CDH13: variants seen among roughly 807,000 people sequenced by gnomAD.
The protein encoded by CDH13 is cadherin 13, also known as cadherin-13.
In CDH13, 24 loss-of-function variants were observed where a neutral mutation model predicts 63.8. That is an observed-to-expected ratio of 0.38 (90% CI 0.27 to 0.53). The LOEUF (loss-of-function observed/expected upper bound fraction) is 0.53. CDH13 is among the 20% of genes least tolerant of loss of function. The pLI is 0.85. For missense variants in CDH13, 1,049 were observed against 903.1 expected (o/e 1.16, Z -2.07); for synonymous variants, 503 against 355.3 (o/e 1.42, Z -4.67).
chr16:83,265,625 T>C (rs1415497418), intron 5 of CDH13, among the ~76,000 whole-genome samples: 9 of 152,022 alleles, frequency 5.9e-5, no homozygotes, highest in Non-Finnish European at 1.3e-4. Flanking sequence ...TAGTAATCTT[T>C]GTTTTGTGAA....
Position 82,639,167 on chromosome 16 carries a change from T to C in CDH13, c.45+12030T>C, listed in dbSNP as rs563799312. ...CCCTCATTATATAAAAATTCTTTCC[T>C]TTGTCTATTTTGTTCTCTACCTCCC... is the stretch of plus-strand genomic sequence containing the variant. On this transcript the variant is annotated intron_variant, in intron 1 of 13. Transcript: ENST00000567109. 1.1e-4 allele frequency among the ~76,000 whole-genome samples: 16 copies of C among 152,286 alleles called. No individual in the cohort carries two copies. In the South Asian group the frequency reaches 3.3e-3, roughly 32 times the overall value.
At chr16:83,409,433 C>T (rs371217534) in intron 6 of CDH13, among the ~76,000 whole-genome samples, 2 of 152,070 alleles carry the variant, frequency 1.3e-5, no homozygotes, top group Non-Finnish European at 1.5e-5. Context: ...GAGTAAGACC[C>T]GGGGCTATGA....
At chr16:83,385,083 C>T (rs951341929) in intron 6 of CDH13, among the ~76,000 whole-genome samples, 8 of 152,142 alleles carry the variant, frequency 5.3e-5, no homozygotes, top group African/African-American at 1.9e-4. Context: ...TGTAATGGGT[C>T]ATGAAATTGC....
intron 1 of CDH13, among the ~76,000 whole-genome samples, chr16:82,656,193 T>C (rs189616984): frequency 1.3e-3 from 199 of 151,018 alleles, no homozygotes; most frequent in Non-Finnish European, 2.1e-3. Flanking sequence ...AGTGTGGGAG[T>C]GGGGGCTTCA....
chr16:83,126,258 A>G lies in CDH13; in HGVS notation c.483+757A>G, dbSNP rs184693752. ...TCTGGCCACTGGGAGAGCACACCAAACAAAAGAGGGAAGGGGTTTTTATCC... is the reference window on the plus strand; with the variant it reads ...TCTGGCCACTGGGAGAGCACACCAAGCAAAAGAGGGAAGGGGTTTTTATCC... On this transcript the variant is annotated intron_variant, in intron 4 of 13. Transcript: ENST00000567109. 1.3e-3 allele frequency among the ~76,000 whole-genome samples: 203 copies of G among 152,288 alleles called. 2 individuals are homozygous for G. The highest frequency in any genetic ancestry group is 5.4e-4 in the Non-Finnish European group (37 of 68,026).
Position 82,777,299 on chromosome 16 carries a change from A to G in CDH13, c.46-81063A>G, listed in dbSNP as rs538332992. On this transcript the variant is annotated intron_variant, in intron 1 of 13. Coordinates refer to ENST00000567109, the MANE Select transcript of CDH13 (RefSeq NM_001257.5). ...GATTCTTGTAGCTGCTTTATAGAAG[A>G]TGAACTGAGGATCAAGAAGGTGAGA... Among the ~76,000 whole-genome samples, 5 of 152,376 alleles carry G rather than the reference A, an allele frequency of 3.3e-5. No homozygotes were observed. In the South Asian group the frequency reaches 1.0e-3, roughly 32 times the overall value.
At chr16:83,348,498 A>C (rs2090886195) in intron 6 of CDH13, among the ~76,000 whole-genome samples, 1 of 152,224 alleles carries the variant, frequency 6.6e-6, no homozygotes, top group Non-Finnish European at 1.5e-5. Flanking sequence ...TCACACAGCC[A>C]AGGGAACAGA....
chr16:82,761,306 C>T (rs2034847273), intron 1 of CDH13, among the ~76,000 whole-genome samples: 1 of 152,060 alleles, frequency 6.6e-6, no homozygotes, highest in African/African-American at 2.4e-5. Context: ...ACGTGAGCCG[C>T]CATGCCCGGC....
At chr16:83,098,462 T>C (rs1372282333) in intron 3 of CDH13, among the ~76,000 whole-genome samples, 1 of 152,212 alleles carries the variant, frequency 6.6e-6, no homozygotes, top group Non-Finnish European at 1.5e-5. Context: ...TTCCTTTGTG[T>C]AGATTCATAT....
chr16:83,194,072 A>T (rs2038803975), intron 4 of CDH13, among the ~76,000 whole-genome samples: 1 of 152,192 alleles, frequency 6.6e-6, no homozygotes, highest in African/African-American at 2.4e-5. Flanking sequence ...AGTTTCAGTG[A>T]TTCTGTGCCT....
At chr16:83,553,057 C>T (rs143966497) in intron 7 of CDH13, among the ~76,000 whole-genome samples, 106 of 144,216 alleles carry the variant, frequency 7.4e-4, no homozygotes, top group African/African-American at 2.2e-3. Flanking sequence ...GTAGCCTGGG[C>T]GACAGAGTGA....
At chr16:83,384,554 C>T (rs2091634997) in intron 6 of CDH13, among the ~76,000 whole-genome samples, 2 of 152,176 alleles carry the variant, frequency 1.3e-5, no homozygotes, top group African/African-American at 2.4e-5. Context: ...AGGTTAACAC[C>T]CTGTGGGAAC....
At position 82,860,393 on chromosome 16, in the gene CDH13, G is replaced by GT. The variant is rs559433340; in HGVS notation, c.157+1920_157+1921insT. On this transcript the variant is annotated intron_variant, in intron 2 of 13. Transcript: ENST00000567109. Reference sequence around the variant, plus strand: ...CACAGTTGTGTGTGTGTGTGTGGGGGGGGGGGCGGCGGTGTGCGTGTGTGC... The same window carrying GT: ...CACAGTTGTGTGTGTGTGTGTGGGGGTGGGGGGCGGCGGTGTGCGTGTGTGC... Among the ~76,000 whole-genome samples the GT allele has an allele frequency of 2.6e-3, 346 of 132,772 alleles. 17 individuals are homozygous for GT. The highest frequency in any genetic ancestry group is 4.2e-3 in the Admixed American group (56 of 13,204). 87.1% of individuals were successfully genotyped at this position (132,772 alleles called of 152,430 possible). A position where few individuals can be genotyped will look rare whatever the true frequency, so the allele number is the denominator to read the frequency against.
At chr16:83,538,853 A>G (rs1419822347) in intron 7 of CDH13, among the ~76,000 whole-genome samples, 1 of 152,192 alleles carries the variant, frequency 6.6e-6, no homozygotes, top group Non-Finnish European at 1.5e-5. Context: ...GTTGAAAGGT[A>G]TATTAATATA....
chr16:82,683,402 G>A (rs1311931665), intron 1 of CDH13, among the ~76,000 whole-genome samples: 2 of 152,192 alleles, frequency 1.3e-5, no homozygotes, highest in Admixed American at 6.5e-5. Context: ...GTGCTGCAAA[G>A]TGGCCATGCC....
chr16:83,784,225 C>A (rs962813540), intron 13 of CDH13, among the ~76,000 whole-genome samples: 1 of 152,118 alleles, frequency 6.6e-6, no homozygotes, highest in Non-Finnish European at 1.5e-5. Flanking sequence ...AAAAAGAAAA[C>A]AGAAGGTTTT....
chr16:83,773,704 G>A (rs1205679779), intron 11 of CDH13, among the ~76,000 whole-genome samples: 1 of 152,180 alleles, frequency 6.6e-6, no homozygotes, highest in Non-Finnish European at 1.5e-5. Flanking sequence ...CACAGGGGAA[G>A]GTTATGGCCC....
chr16:82,789,581 C>A, intron 1 of CDH13, among the ~76,000 whole-genome samples: 1 of 152,288 alleles, frequency 6.6e-6, no homozygotes, highest in Non-Finnish European at 1.5e-5. Context: ...CTGGGCTGCA[C>A]AAGGATAGAA....
chr16:83,584,214 C>T (rs1240815295), intron 7 of CDH13, among the ~76,000 whole-genome samples: 2 of 151,608 alleles, frequency 1.3e-5, no homozygotes, highest in Admixed American at 6.6e-5. Flanking sequence ...GCCTGTAGTC[C>T]CAAACTAAGG....
Sources: gnomAD v4.1 joint callset for allele counts (sites outside exome capture counted in the v4.1 genomes callset) on GRCh38, gnomAD v4.1.1 for gene constraint, MANE v1.5 for transcripts, NCBI Gene and HGNC (gene_info 2026-07-23, HGNC 2026-07-21) for gene names.